The following ROBO2 variants were observed in gnomAD, a reference collection of about 807,000 sequenced individuals.
The protein encoded by ROBO2 is roundabout homolog 2.
A neutral mutation model predicts 160.8 loss-of-function variants in ROBO2; 53 were observed. That is an observed-to-expected ratio of 0.33 (90% CI 0.26 to 0.41). The LOEUF (loss-of-function observed/expected upper bound fraction) is 0.41. Ranked by LOEUF, ROBO2 falls within the 10% of genes least tolerant of loss-of-function variation. ROBO2 has a pLI of 1.00. For synonymous variants in ROBO2, 664 were observed against 611.7 expected (o/e 1.09, Z -1.26); for missense variants, 1,577 against 1,722.4 (o/e 0.92, Z 1.49).
intron 2 of ROBO2, among the ~76,000 whole-genome samples, chr3:76,789,347 T>C (rs1326208344): frequency 6.6e-6 from 1 of 151,508 alleles, no homozygotes; most frequent in Non-Finnish European, 1.5e-5. Context: ...AGGATGCCAT[T>C]ATACGAAGGA....
intron 2 of ROBO2, among the ~76,000 whole-genome samples, chr3:77,376,568 T>C (rs2072702595): frequency 6.6e-6 from 1 of 152,202 alleles, no homozygotes; most frequent in Admixed American, 6.5e-5. Flanking sequence ...GCTCAGTTCC[T>C]AAAGGCCCTT....
chr3:77,613,243 G>T (rs544524246), intron 21 of ROBO2, among the ~76,000 whole-genome samples: 1 of 148,140 alleles, frequency 6.8e-6, no homozygotes, highest in African/African-American at 2.5e-5. Flanking sequence ...TAAATTTCAT[G>T]TGTATATCCC....
chr3:77,604,547 C>T (rs12494561), intron 20 of ROBO2, among the ~76,000 whole-genome samples: 14,696 of 152,096 alleles, frequency 0.097, 930 homozygotes, highest in Middle Eastern at 0.18. Flanking sequence ...CCATTAATCT[C>T]CTGAGTGACA....
intron 2 of ROBO2, chr3:77,316,820 G>A: frequency 1.5e-6 from 2 of 1,311,458 alleles, no homozygotes; most frequent in African/African-American, 1.4e-5. Context: ...CCATCCAGGA[G>A]AGCTGACAGT....
chr3:77,546,819 T>A (rs373734879), intron 7 of ROBO2, among the ~76,000 whole-genome samples: 6 of 152,072 alleles, frequency 3.9e-5, no homozygotes, highest in African/African-American at 1.2e-4. Context: ...TCAGGACATA[T>A]GCAGTACTTA....
At chr3:76,932,503 C>T (rs2077413355) in intron 2 of ROBO2, among the ~76,000 whole-genome samples, 1 of 152,066 alleles carries the variant, frequency 6.6e-6, no homozygotes, top group Non-Finnish European at 1.5e-5. Flanking sequence ...AATGCCTCCT[C>T]TTTTCATATG....
At chr3:76,451,746 A>G (rs2077485486) in intron 2 of ROBO2, among the ~76,000 whole-genome samples, 1 of 152,196 alleles carries the variant, frequency 6.6e-6, no homozygotes, top group African/African-American at 2.4e-5. Context: ...TGAACTCAAA[A>G]TACTAATGTC....
chr3:76,692,414 T>G (rs1374851539), intron 2 of ROBO2, among the ~76,000 whole-genome samples: 1 of 152,088 alleles, frequency 6.6e-6, no homozygotes, highest in Non-Finnish European at 1.5e-5. Flanking sequence ...GTGGGCAAAA[T>G]CGCTGACTCC....
intron 2 of ROBO2, among the ~76,000 whole-genome samples, chr3:77,147,719 T>C (rs547538704): frequency 6.6e-6 from 1 of 152,342 alleles, no homozygotes; most frequent in Non-Finnish European, 1.5e-5. Flanking sequence ...TATGACACTT[T>C]CTTCTAATTT....
intron 1 of ROBO2, among the ~76,000 whole-genome samples, chr3:75,929,693 A>G (rs1403582567): frequency 6.8e-6 from 1 of 147,486 alleles, no homozygotes; most frequent in Non-Finnish European, 1.5e-5. Context: ...CTTCCTGGGC[A>G]CTCTTGTCTT....
intron 2 of ROBO2, among the ~76,000 whole-genome samples, chr3:77,417,071 G>A (rs2077294983): frequency 6.6e-6 from 1 of 152,048 alleles, no homozygotes; most frequent in Admixed American, 6.5e-5. Context: ...AATGAACGTT[G>A]AATCTATAAT....
chr3:77,103,157 G>C (rs1427170254), intron 2 of ROBO2, among the ~76,000 whole-genome samples: 1 of 152,184 alleles, frequency 6.6e-6, no homozygotes, highest in Non-Finnish European at 1.5e-5. Context: ...GTCAGTGGCA[G>C]CCTCTAGAGA....
chr3:76,981,221 T>A (rs2060079469), intron 2 of ROBO2, among the ~76,000 whole-genome samples: 1 of 152,208 alleles, frequency 6.6e-6, no homozygotes, highest in Non-Finnish European at 1.5e-5. Context: ...GATTGCTGGG[T>A]CATATAGTAA....
At chr3:76,014,605 T>C (rs1395364933) in intron 2 of ROBO2, among the ~76,000 whole-genome samples, 1 of 151,472 alleles carries the variant, frequency 6.6e-6, no homozygotes, top group African/African-American at 2.4e-5. Flanking sequence ...TGATAGCTTA[T>C]GCATGTAATC....
rs9822114 is a variant in ROBO2 at position 76,725,470 on chromosome 3, G to A, written c.110-372544G>A. Among the ~76,000 whole-genome samples the A allele has an allele frequency of 6.2e-3, 938 of 152,282 alleles. 9 individuals carry two copies. The highest frequency in any genetic ancestry group is 0.021 in the African/African-American group (893 of 41,548). ...TGGTGGCTTTCAGTGACTAGGGATA[G>A]GAAGTGATTATACTTGTCTCTAAAA... On this transcript the variant is annotated intron_variant, in intron 2 of 26. Transcript: ENST00000487694.
chr3:77,294,479 G>T (rs926867124), intron 2 of ROBO2, among the ~76,000 whole-genome samples: 1 of 144,918 alleles, frequency 6.9e-6, no homozygotes, highest in Non-Finnish European at 1.5e-5. Context: ...AAACGGGTAA[G>T]CTGAGGCTAG....
chr3:77,044,367 G>C (rs555420023), intron 1 of ROBO2, among the ~76,000 whole-genome samples: 3 of 152,104 alleles, frequency 2.0e-5, no homozygotes, highest in Admixed American at 6.5e-5. Context: ...AAATAGTTCC[G>C]GCAGTCTACA....
intron 2 of ROBO2, among the ~76,000 whole-genome samples, chr3:76,301,851 C>T (rs1049624686): frequency 6.6e-6 from 1 of 151,952 alleles, no homozygotes; most frequent in South Asian, 2.1e-4. Context: ...TTTTCTAAAC[C>T]CTTCTGAGAG....
intron 2 of ROBO2, among the ~76,000 whole-genome samples, chr3:77,135,193 G>C (rs1245206274): frequency 6.6e-6 from 1 of 152,124 alleles, no homozygotes. Flanking sequence ...ATTGGGAATA[G>C]GGAAAGAAAA....
Sources: gnomAD v4.1 joint callset for allele counts (sites outside exome capture counted in the v4.1 genomes callset) on GRCh38, gnomAD v4.1.1 for gene constraint, MANE v1.5 for transcripts, NCBI Gene and HGNC (gene_info 2026-07-23, HGNC 2026-07-21) for gene names.